Variants in RAD54B observed in about 807,000 individuals in gnomAD.
RAD54B encodes RAD54 homolog B.
Under a neutral mutation model 95.8 loss-of-function variants are expected in RAD54B, and 78 were observed. That is an observed-to-expected ratio of 0.81 (90% confidence interval 0.68 to 0.98). The LOEUF (loss-of-function observed/expected upper bound fraction) is 0.98. Among genes scored for constraint, RAD54B ranks in the 50% least tolerant of loss-of-function variants. The pLI is 0.00. For missense variants in RAD54B, 957 were observed against 1,056.6 expected (o/e 0.91, Z 1.31); for synonymous variants, 328 against 354.9 (o/e 0.92, Z 0.85).
In RAD54B at chr8:94,400,466, G is replaced by T. The variant is rs1457644380; in HGVS notation, c.945-3C>A. ...TAGCTCCACATCTGCCATTCATTCT[G>T]TTAGAAATAATTTTACTTCCTTTAA... On this transcript the variant is annotated splice_polypyrimidine_tract_variant and splice_region_variant and intron_variant, in intron 6 of 14. Coordinates refer to ENST00000336148, the MANE Select transcript of RAD54B (RefSeq NM_012415.3). 1 of 1,594,074 alleles carries T rather than the reference G, an allele frequency of 6.3e-7. No individual in the cohort carries two copies. The highest frequency in any genetic ancestry group is 2.2e-5 in the East Asian group (1 of 44,462).
intron 11 of RAD54B, among the ~76,000 whole-genome samples, chr8:94,383,883 G>T (rs1810803079): frequency 6.6e-6 from 1 of 152,130 alleles, no homozygotes; most frequent in Non-Finnish European, 1.5e-5. Context: ...TAACAAAGTT[G>T]GTAAGGAGAT....
In RAD54B at chr8:94,372,010, C is replaced by T. The variant is rs889876294; in HGVS notation, c.*160G>A. ...TTTTCATTTAAACACTTAATATTTA[C>T]AAAACATTAAACCACTCAATTTTGA... On this transcript the variant is annotated 3_prime_UTR_variant, in exon 15 of 15. Transcript: ENST00000336148. The T allele has an allele frequency of 2.0e-5, 24 of 1,226,092 alleles. No individual in the cohort carries two copies. The African/African-American group carries it at 2.8e-4, about 14-fold the overall frequency. 76.0% of individuals were successfully genotyped at this position (1,226,092 alleles called of 1,614,324 possible).
chr8:94,456,534 AAGAG>A (rs762406675), intron 3 of RAD54B, among the ~76,000 whole-genome samples: 1 of 152,182 alleles, frequency 6.6e-6, no homozygotes, highest in South Asian at 2.1e-4. Context: ...CATAGAGAAA[AAGAG>A]AGAAAGCACA....
chr8:94,406,027 C>CACACACACACACACACACACAT (rs11281421), intron 5 of RAD54B, among the ~76,000 whole-genome samples: 2 of 150,418 alleles, frequency 1.3e-5, no homozygotes, highest in Admixed American at 1.3e-4. Flanking sequence ...CACACACACA[C>CACACACACACACACACACACAT]ATATATATAA....
chr8:94,403,989 T>C (rs1811321344), intron 6 of RAD54B, 88 bp downstream of exon 6: 9 of 1,070,436 alleles, frequency 8.4e-6, no homozygotes, highest in Non-Finnish European at 1.2e-5. Context: ...CAGGACTCAT[T>C]ATATTAGGAT....
chr8:94,444,468 C>T lies in RAD54B; in HGVS notation c.304+13800G>A, dbSNP rs1309040125. On this transcript the variant is annotated intron_variant, in intron 3 of 14. Coordinates refer to ENST00000336148, the MANE Select transcript of RAD54B (RefSeq NM_012415.3). ...TATGATGTATTCATACCATGGTATA[C>T]TTTGCAGCAATTAAAAAGAATAAGG... Among the ~76,000 whole-genome samples, 7 of 149,654 alleles carry T rather than the reference C, an allele frequency of 4.7e-5. No individual in the cohort carries two copies. The East Asian group carries it at 1.4e-3, about 29-fold the overall frequency.
chr8:94,458,593 A>T (rs1812831342), intron 2 of RAD54B, among the ~76,000 whole-genome samples, 157 bp from the exon 3 acceptor site: 1 of 152,212 alleles, frequency 6.6e-6, no homozygotes, highest in African/African-American at 2.4e-5. Context: ...TCTGCTGGGC[A>T]TGGTGGCTCA....
intron 3 of RAD54B, among the ~76,000 whole-genome samples, chr8:94,426,834 T>C (rs969395579): frequency 1.3e-5 from 2 of 152,188 alleles, no homozygotes; most frequent in East Asian, 1.9e-4. Context: ...CATTTCACTG[T>C]ATGCAAATCT....
chr8:94,432,973 A>G (rs1228261797), intron 3 of RAD54B, among the ~76,000 whole-genome samples: 1 of 152,114 alleles, frequency 6.6e-6, no homozygotes, highest in East Asian at 1.9e-4. Context: ...ACAGACACCA[A>G]TCTTTCCCAC....
chr8:94,438,943 T>C (rs1000773869), intron 3 of RAD54B, among the ~76,000 whole-genome samples: 2 of 152,096 alleles, frequency 1.3e-5, no homozygotes, highest in African/African-American at 2.4e-5. Flanking sequence ...AATACAAAAA[T>C]TAGCCAGGTG....
chr8:94,430,637 T>C (rs1417143850), intron 3 of RAD54B: 1 of 626,278 alleles, frequency 1.6e-6, no homozygotes, highest in Non-Finnish European at 2.0e-6. Context: ...ACCATTGGTC[T>C]ACTCCAAAGG....
chr8:94,427,999 T>A (rs532611443), intron 3 of RAD54B: 1 of 930,002 alleles, frequency 1.1e-6, no homozygotes, highest in African/African-American at 1.8e-5. Context: ...CTTGACTATT[T>A]TAAGAAATCT....
At chr8:94,380,077 T>G (rs1265450121) in intron 12 of RAD54B, 68 bp downstream of exon 12, 4 of 1,465,436 alleles carry the variant, frequency 2.7e-6, no homozygotes, top group African/African-American at 1.4e-5. Context: ...TCATTATCTT[T>G]GTATCCTCAA....
intron 3 of RAD54B, chr8:94,430,310 C>CA (rs60634729): frequency 0.048 from 40,778 of 851,852 alleles, 9 homozygotes; most frequent in Non-Finnish European, 0.051. Flanking sequence ...GACTCCATCT[C>CA]AAAAAAAAAA....
At chr8:94,386,270 A>G (rs1468536346) in intron 11 of RAD54B, among the ~76,000 whole-genome samples, 1 of 152,150 alleles carries the variant, frequency 6.6e-6, no homozygotes, top group Non-Finnish European at 1.5e-5. Flanking sequence ...AAGAAAAGTG[A>G]GTCTATAATA....
chr8:94,391,981 A>G, intron 9 of RAD54B, 82 bp from the exon 10 acceptor site: 1 of 1,318,310 alleles, frequency 7.6e-7, no homozygotes, highest in Non-Finnish European at 1.0e-6. Flanking sequence ...TCATAATGAT[A>G]AACCATTTAC....
chr8:94,422,408 G>A (rs1240391223), intron 3 of RAD54B, among the ~76,000 whole-genome samples: 3 of 150,368 alleles, frequency 2.0e-5, no homozygotes, highest in South Asian at 2.1e-4. Context: ...CCAACGTGGC[G>A]AAACTCCATC....
At chr8:94,425,634 A>AT (rs1306394144) in intron 3 of RAD54B, among the ~76,000 whole-genome samples, 1 of 152,228 alleles carries the variant, frequency 6.6e-6, no homozygotes, top group Non-Finnish European at 1.5e-5. Flanking sequence ...CAGTTTTCTT[A>AT]TATCTAAGAG....
At chr8:94,425,616 ATCAC>A (rs1472402281) in intron 3 of RAD54B, among the ~76,000 whole-genome samples, 1 of 152,188 alleles carries the variant, frequency 6.6e-6, no homozygotes, top group Non-Finnish European at 1.5e-5. Flanking sequence ...CAAACTGATA[ATCAC>A]TCACAGTTTT....
Sources: allele counts gnomAD v4.1 joint callset (sites outside exome capture counted in the v4.1 genomes callset), GRCh38; gene constraint gnomAD v4.1.1; transcripts MANE v1.5; gene names NCBI Gene and HGNC (gene_info 2026-07-23, HGNC 2026-07-21).